The following GEN1 variants were observed in gnomAD, a reference collection of about 807,000 sequenced individuals.
GEN1 encodes the protein flap endonuclease GEN homolog 1.
In GEN1, 64 loss-of-function variants were observed where a neutral mutation model predicts 67.6. The observed-to-expected ratio is 0.95, with a 90% CI of 0.77 to 1.17. The LOEUF is 1.17. GEN1 is among the 50% of genes most tolerant of loss of function. The pLI, the probability that GEN1 is intolerant of heterozygous loss-of-function variation, is 0.00. For missense variants in GEN1, 1,058 were observed against 1,048.3 expected, an observed-to-expected ratio of 1.01 and a Z score of -0.13; for synonymous variants, 371 against 359.4, an observed-to-expected ratio of 1.03 and a Z score of -0.37.
chr2:17,763,423 T>C (rs544857490), intron 3 of GEN1, among the ~76,000 whole-genome samples: 1 of 152,326 alleles, frequency 6.6e-6, no homozygotes, highest in African/African-American at 2.4e-5. Flanking sequence ...CCTGTTTCTT[T>C]ATTGCTGCAG....
chr2:17,754,429 T>A (rs1671296074), intron 1 of GEN1, 84 bp downstream of exon 1: 1 of 152,128 alleles, frequency 6.6e-6, no homozygotes, highest in Admixed American at 6.5e-5. Flanking sequence ...GGACGAGCTC[T>A]TTGTTCGCTG....
rs748788774 is a variant in GEN1 at position 17,772,784 on chromosome 2, A to G, written c.953A>G (p.Lys318Arg). Residue 318 changes from lysine (K) to arginine (R), a missense_variant and splice_region_variant, in exon 8 of 14, where the codon AAG becomes AGG. By Grantham distance (26) the Lys-to-Arg change is conservative. Transcript: ENST00000381254. ...AGTGAAGTAGAGAACAATATTAAGA[A>G]GTAAGTTTTTTTAAAAACTCATGAT... is the stretch of plus-strand genomic sequence containing the variant. ...QLSEVENNIK[K>R]KACCCEGFPF... 2.1e-5 allele frequency: 33 copies of G among 1,603,004 alleles called. No homozygotes were observed. In the Admixed American group the frequency reaches 4.9e-4, roughly 24 times the overall value.
chr2:17,755,663 C>A (rs1044587175), intron 1 of GEN1: 1 of 152,126 alleles, frequency 6.6e-6, no homozygotes, highest in South Asian at 2.1e-4. Flanking sequence ...GAAATTTAAG[C>A]ATTTTCTGCT....
At position 17,778,083 on chromosome 2, in the gene GEN1, A is replaced by G; in HGVS notation, c.1264+20A>G. The G allele has an allele frequency of 7.3e-7, 1 of 1,364,784 alleles. No individual in the cohort carries two copies. Among genetic ancestry groups the G allele is most frequent in the South Asian group, 1.2e-5 (1 of 85,314 alleles). 84.5% of individuals were successfully genotyped at this position (1,364,784 alleles called of 1,614,324 possible). On this transcript the variant is annotated intron_variant, in intron 12 of 13. Coordinates refer to ENST00000381254, the MANE Select transcript of GEN1 (RefSeq NM_001130009.3). Reference sequence around the variant, plus strand: ...AGCCTGGTATGTATTCACTTTAAGCAAAATATTCCATTTATAATATTTGAC... The same window carrying G: ...AGCCTGGTATGTATTCACTTTAAGCGAAATATTCCATTTATAATATTTGAC...
intron 1 of GEN1, among the ~76,000 whole-genome samples, chr2:17,756,330 G>A (rs1377808006): frequency 6.6e-6 from 1 of 152,184 alleles, no homozygotes; most frequent in Non-Finnish European, 1.5e-5. Context: ...TATTTGCTAT[G>A]TGTTGTTCTT....
chr2:17,772,233 G>T (rs1007748386), intron 7 of GEN1, among the ~76,000 whole-genome samples: 11 of 152,008 alleles, frequency 7.2e-5, no homozygotes, highest in Admixed American at 2.6e-4. Context: ...ACTCGTTAAA[G>T]AAACTATTCT....
At position 17,780,835 on chromosome 2, in the gene GEN1, A is replaced by G. The variant is rs916698138; in HGVS notation, c.1623A>G (p.Gln541=). The G allele has an allele frequency of 2.4e-5, 38 of 1,613,984 alleles. No individual in the cohort carries two copies. The East Asian group carries it at 8.5e-4, about 36-fold the overall frequency. ...LPKNTPCLNA[Q]EQFMSSLRPL... ...AAAATACTCCATGTTTGAATGCACA[A>G]GAACAGTTCATGTCTTCTCTAAGAC... The change falls in exon 14 of 14, where the codon CAA becomes CAG. Residue 541 remains glutamine, a synonymous_variant. Transcript: ENST00000381254.
At chr2:17,764,819 T>C (rs1671846956) in intron 3 of GEN1, 78 bp from the exon 4 acceptor site, 1 of 1,317,722 alleles carries the variant, frequency 7.6e-7, no homozygotes, top group Non-Finnish European at 1.0e-6. Flanking sequence ...ATATTTGTAA[T>C]ACAGAAATAG....
chr2:17,778,338 ATACACACACATGTGTGTACATATATG>A (rs1672618476), intron 12 of GEN1, among the ~76,000 whole-genome samples: 1 of 40,442 alleles, frequency 2.5e-5, no homozygotes, highest in African/African-American at 9.1e-5. Flanking sequence ...ACATATATGT[ATACACACACATGTGTGTACATATATG>A]TATATACACA....
At chr2:17,760,991 G>C (rs1671649380) in intron 2 of GEN1, among the ~76,000 whole-genome samples, 1 of 151,596 alleles carries the variant, frequency 6.6e-6, no homozygotes, top group South Asian at 2.1e-4. Flanking sequence ...AGCACTTTGC[G>C]AGGCTGAGAT....
chr2:17,771,358 T>C (rs1452213273), intron 7 of GEN1, 71 bp downstream of exon 7: 12 of 886,102 alleles, frequency 1.4e-5, no homozygotes, highest in South Asian at 2.7e-5. Flanking sequence ...ATAGTACTTT[T>C]TACATGCCAA....
Position 17,778,464 on chromosome 2 carries a change from G to GTATATACACACATGTATGTGTATCTATA in GEN1, c.1264+413_1264+414insTGTATGTGTATCTATATATATACACACA, listed in dbSNP as rs70964012. Among the ~76,000 whole-genome samples the GTATATACACACATGTATGTGTATCTATA allele has an allele frequency of 4.1e-3, 121 of 29,312 alleles. 48 individuals are homozygous for GTATATACACACATGTATGTGTATCTATA. The highest frequency in any genetic ancestry group is 0.032 in the South Asian group (6 of 186). The allele number at this position is 29,312 out of a possible 152,430, so 19.2% of individuals were successfully genotyped here. The stretch of plus-strand genomic sequence containing the variant: ...CACACATATATGTGTGTACATATAT[G>GTATATACACACATGTATGTGTATCTATA]TATATACACACACAGCATGTGTGTG... On this transcript the variant is annotated intron_variant, in intron 12 of 13. Coordinates refer to ENST00000381254, the MANE Select transcript of GEN1 (RefSeq NM_001130009.3).
intron 5 of GEN1, among the ~76,000 whole-genome samples, chr2:17,768,006 G>A (rs898472169): frequency 2.0e-5 from 3 of 152,174 alleles, no homozygotes; most frequent in African/African-American, 7.2e-5. Context: ...TAGGTGGATT[G>A]GGAAGTATTC....
intron 2 of GEN1, among the ~76,000 whole-genome samples, chr2:17,761,114 C>A (rs1448645838): frequency 1.3e-5 from 2 of 151,846 alleles, no homozygotes; most frequent in African/African-American, 4.8e-5. Flanking sequence ...CACCTGTAGT[C>A]CCAGCTGCTT....
rs1672174540 is a variant in GEN1, at chr2:17,771,220, T to C, written c.735T>C (p.Ser245=). The C allele has an allele frequency of 6.2e-7, 1 of 1,611,662 alleles. No homozygotes were observed. The part of the protein sequence containing the change: ...LQRFNRWNET[S]CNSSPQLLVT... ...GGTTTAATCGGTGGAATGAAACATC[T>C]TGTAACTCTAGTCCACAACTGCTAG... is the stretch of plus-strand genomic sequence containing the variant. Residue 245 remains serine, a synonymous_variant, in exon 7 of 14, where the codon TCT becomes TCC. Coordinates refer to ENST00000381254, the MANE Select transcript of GEN1 (RefSeq NM_001130009.3).
At position 17,781,519 on chromosome 2, in the gene GEN1, A is replaced by T; in HGVS notation, c.2307A>T (p.Arg769Ser). 1.9e-6 allele frequency: 3 copies of T among 1,613,722 alleles called. No individual in the cohort carries two copies. The highest frequency in any genetic ancestry group is 2.5e-6 in the Non-Finnish European group (3 of 1,179,952). Reference sequence around the variant, plus strand: ...CAGTGGTAAAGACCTGCAATGTTAGACCACCAAATACTGCTTTAGATCATA... The same window carrying T: ...CAGTGGTAAAGACCTGCAATGTTAGTCCACCAAATACTGCTTTAGATCATA... Reference protein sequence around the residue: ...SNTVVKTCNVRPPNTALDHSR... With the variant: ...SNTVVKTCNVSPPNTALDHSR... The change falls in exon 14 of 14, where the codon AGA (arginine) becomes AGT (serine). Residue 769 changes from arginine (R) to serine (S), a missense_variant. By Grantham distance (110) the Arg-to-Ser change is moderately radical. Coordinates refer to ENST00000381254, the MANE Select transcript of GEN1 (RefSeq NM_001130009.3).
chr2:17,769,112 C>T (rs904178160), intron 6 of GEN1, among the ~76,000 whole-genome samples: 5 of 151,992 alleles, frequency 3.3e-5, no homozygotes, highest in Non-Finnish European at 5.9e-5. Context: ...CTCAACCTGC[C>T]GGAGTCAAGT....
At chr2:17,779,736 G>A (rs1300332764) in intron 12 of GEN1, among the ~76,000 whole-genome samples, 1 of 152,006 alleles carries the variant, frequency 6.6e-6, no homozygotes, top group Non-Finnish European at 1.5e-5. Context: ...TGAGTAGCTG[G>A]GATTATAGGC....
chr2:17,755,263 C>T (rs1460441430), intron 1 of GEN1: 1 of 152,202 alleles, frequency 6.6e-6, no homozygotes, highest in East Asian at 1.9e-4. Context: ...CTTCAGGAAC[C>T]GTTCCTTGAT....
Sources: gnomAD v4.1 joint callset for allele counts (sites outside exome capture counted in the v4.1 genomes callset) on GRCh38, gnomAD v4.1.1 for gene constraint, MANE v1.5 for transcripts, NCBI Gene and HGNC (gene_info 2026-07-23, HGNC 2026-07-21) for gene names.